Variants in SMIM36 observed in about 807,000 individuals in gnomAD.
The protein encoded by SMIM36 is small integral membrane protein 36.
At chr17:55,484,705 A>G (rs980371499) in intron 1 of SMIM36, among the ~76,000 whole-genome samples, 1 of 152,224 alleles carries the variant, frequency 6.6e-6, no homozygotes, top group Admixed American at 6.5e-5. Context: ...CAAACTCCCA[A>G]TGGGTAGGCA....
chr17:55,481,772 C>T (rs897760219), intron 1 of SMIM36, among the ~76,000 whole-genome samples: 1 of 152,112 alleles, frequency 6.6e-6, no homozygotes, highest in African/African-American at 2.4e-5. Context: ...TGGCTCACTG[C>T]AGCCTCAACC....
intron 1 of SMIM36, among the ~76,000 whole-genome samples, chr17:55,508,431 AATATATATATATATAT>A (rs55879501): frequency 0.39 from 44,612 of 114,326 alleles, 9,260 homozygotes; most frequent in Non-Finnish European, 0.48. Flanking sequence ...TATTCCTAGG[AATATATATATATATAT>A]ATATATATAT....
chr17:55,452,266 T>G (rs1908934522), intron 4 of SMIM36, among the ~76,000 whole-genome samples: 1 of 152,200 alleles, frequency 6.6e-6, no homozygotes, highest in East Asian at 1.9e-4. Flanking sequence ...GTTAGAGAAC[T>G]CTTGGTGTAG....
chr17:55,532,113 T>C, the SMIM36 span, among the ~76,000 whole-genome samples: 2 of 152,240 alleles, frequency 1.3e-5, no homozygotes, highest in African/African-American at 4.8e-5. Context: ...TTCCTAAATA[T>C]TGCTCCTCAT....
the SMIM36 span, among the ~76,000 whole-genome samples, chr17:55,519,438 G>T: frequency 6.6e-6 from 1 of 152,206 alleles, no homozygotes; most frequent in Admixed American, 6.5e-5. Flanking sequence ...GTCAAAGAGA[G>T]TTGGAGCAGA....
In SMIM36 at chr17:55,485,351, C is replaced by T. The variant is rs1025798374; in HGVS notation, c.*175-5771G>A. Among the ~76,000 whole-genome samples the T allele has an allele frequency of 1.1e-4, 16 of 152,120 alleles. No individual in the cohort carries two copies. The East Asian group carries it at 2.3e-3, about 22-fold the overall frequency. ...TTGCTCAGGCTGGAGTGCAGTGGTA[C>T]GATCATAGCTTACTGCAGCCTCAAC... On this transcript the variant is annotated intron_variant, in intron 1 of 4. Coordinates refer to ENST00000636752, the Ensembl canonical transcript of SMIM36.
the SMIM36 span, among the ~76,000 whole-genome samples, chr17:55,525,584 G>A: frequency 1.3e-5 from 2 of 152,302 alleles, no homozygotes; most frequent in Admixed American, 1.3e-4. Flanking sequence ...CTTCAAAATA[G>A]ATTTAATTCA....
At chr17:55,460,156 A>G (rs1909112818) in intron 4 of SMIM36, among the ~76,000 whole-genome samples, 1 of 152,112 alleles carries the variant, frequency 6.6e-6, no homozygotes. Flanking sequence ...CTGGCCAGGC[A>G]TGGTGGCTCA....
chr17:55,479,124 G>A (rs1030450967), intron 2 of SMIM36, among the ~76,000 whole-genome samples: 9 of 152,172 alleles, frequency 5.9e-5, no homozygotes, highest in Non-Finnish European at 1.2e-4. Context: ...CAAGGACAGA[G>A]GATTTCTCAG....
At chr17:55,461,647 ATTAT>A (rs1909150924) in intron 4 of SMIM36, among the ~76,000 whole-genome samples, 2 of 152,210 alleles carry the variant, frequency 1.3e-5, no homozygotes, top group African/African-American at 4.8e-5. Context: ...ACATAAGTAA[ATTAT>A]TTATGTATAA....
At chr17:55,477,867 A>AG (rs1456877130) in intron 3 of SMIM36, among the ~76,000 whole-genome samples, 90 of 148,076 alleles carry the variant, frequency 6.1e-4, no homozygotes, top group Admixed American at 5.4e-4. Flanking sequence ...TTTTTTTTTT[A>AG]AGAGAGAGAA....
At chr17:55,511,724 T>C (rs1310418138), upstream of SMIM36, among the ~76,000 whole-genome samples, 1 of 152,134 alleles carries the variant, frequency 6.6e-6, no homozygotes, top group Non-Finnish European at 1.5e-5. Flanking sequence ...CAGCTAAAAA[T>C]TGGATTGTCC....
At chr17:55,496,696 A>C (rs1909813100) in intron 1 of SMIM36, among the ~76,000 whole-genome samples, 1 of 152,154 alleles carries the variant, frequency 6.6e-6, no homozygotes, top group Non-Finnish European at 1.5e-5. Flanking sequence ...CTAATCAAAG[A>C]GATTATGTTA....
chr17:55,499,132 G>A lies in SMIM36; in HGVS notation c.*174+11747C>T, dbSNP rs898913364. On this transcript the variant is annotated intron_variant, in intron 1 of 4. Coordinates refer to ENST00000636752, the Ensembl canonical transcript of SMIM36. ...TCAGGCTTAGTCCAACTCTGTCCTG[G>A]TGTCTTTTGGAATATTAGGAGATGT... 1.3e-5 allele frequency among the ~76,000 whole-genome samples: 2 copies of A among 152,084 alleles called. 1 individual carries two copies. The highest frequency in any genetic ancestry group is 4.2e-4 in the South Asian group (2 of 4,808).
chr17:55,510,909 T>G (rs937653006), exon 1 of SMIM36: 24 of 392,888 alleles, frequency 6.1e-5, no homozygotes, highest in Non-Finnish European at 9.9e-5. Flanking sequence ...ACAAAGAAGG[T>G]GACGAGAAAA....
the SMIM36 span, among the ~76,000 whole-genome samples, chr17:55,527,351 A>G: frequency 0.035 from 5,377 of 152,288 alleles, 274 homozygotes; most frequent in African/African-American, 0.12. Flanking sequence ...TGGTTTAAGT[A>G]GCAAGAATTT....
chr17:55,529,663 G>T, the SMIM36 span, among the ~76,000 whole-genome samples: 6 of 151,232 alleles, frequency 4.0e-5, no homozygotes, highest in African/African-American at 9.8e-5. Context: ...GTGGTGGCAC[G>T]TGCTTGTAGT....
At chr17:55,520,349 C>G in the SMIM36 span, among the ~76,000 whole-genome samples, 4 of 152,140 alleles carry the variant, frequency 2.6e-5, no homozygotes, top group African/African-American at 9.7e-5. Context: ...ATTCTAACCA[C>G]CAATCTTAGC....
chr17:55,501,664 A>AAT (rs926074283), intron 1 of SMIM36, among the ~76,000 whole-genome samples: 1 of 144,706 alleles, frequency 6.9e-6, no homozygotes, highest in Non-Finnish European at 1.5e-5. Flanking sequence ...TTGAATATAT[A>AAT]ATATATATAT....
Sources: gnomAD v4.1 joint callset for allele counts (sites outside exome capture counted in the v4.1 genomes callset) on GRCh38, gnomAD v4.1.1 for gene constraint, MANE v1.5 for transcripts, NCBI Gene and HGNC (gene_info 2026-07-23, HGNC 2026-07-21) for gene names.